SMARCC2: variants seen among roughly 807,000 people sequenced by gnomAD.
SMARCC2 encodes SWI/SNF related BAF chromatin remodeling complex subunit C2, also known as SWI/SNF complex subunit SMARCC2.
In SMARCC2, 15 loss-of-function variants were observed where a neutral mutation model predicts 151.3. That is an observed-to-expected ratio of 0.10 (90% CI 0.07 to 0.15). SMARCC2 has a LOEUF of 0.15. Among genes scored for constraint, SMARCC2 ranks in the 10% least tolerant of loss-of-function variants. The pLI is 1.00. For synonymous variants in SMARCC2, 590 were observed against 609.5 expected (o/e 0.97, Z 0.47); for missense variants, 1,031 against 1,599.7 (o/e 0.64, Z 6.06).
chr12:56,184,627 T>A, intron 5 of SMARCC2: 3 of 565,666 alleles, frequency 5.3e-6, no homozygotes, highest in Non-Finnish European at 9.5e-6. Context: ...CAGGCCAACA[T>A]AGTCTCTAGA....
At chr12:56,189,092 G>A (rs1227785615) in intron 1 of SMARCC2, among the ~76,000 whole-genome samples, 6 of 151,516 alleles carry the variant, frequency 4.0e-5, no homozygotes, top group Non-Finnish European at 8.9e-5. Flanking sequence ...ATGGCACCGG[G>A]GCCCGCCGGG....
intron 11 of SMARCC2, among the ~76,000 whole-genome samples, chr12:56,180,140 G>A (rs1050931378): frequency 2.0e-4 from 30 of 149,884 alleles, no homozygotes; most frequent in African/African-American, 6.6e-4. Context: ...ATGGAGTCTC[G>A]CCCTGTTGCC....
chr12:56,179,003 C>T lies in SMARCC2; in HGVS notation c.1135G>A (p.Asp379Asn). Residue 379 changes from aspartate to asparagine, a missense_variant, in exon 12 of 29, where the codon GAC (aspartate) becomes AAC (asparagine). Asp to Asn is a conservative substitution (Grantham distance 23, BLOSUM62 1). This residue lies in a region of SMARCC2 where 127 missense variants were observed against 141.7 expected (regional missense o/e 0.90). Coordinates refer to ENST00000550164, the MANE Select transcript of SMARCC2 (RefSeq NM_001330288.2). ...SAPVKGGTMT[D>N]LDEQEDESME... is the part of the protein sequence containing the mutation. Reference sequence around the variant, plus strand: ...CAAGAGGCTCCTGTCTTACCCAGGTCGGTCATGGTGCCGCCTTTGACTGGG... The same window carrying T: ...CAAGAGGCTCCTGTCTTACCCAGGTTGGTCATGGTGCCGCCTTTGACTGGG... The T allele has an allele frequency of 1.2e-6, 2 of 1,614,074 alleles. No homozygotes were observed. Among genetic ancestry groups the T allele is most frequent in the Non-Finnish European group, 1.7e-6 (2 of 1,179,944 alleles).
chr12:56,179,580 G>C (rs963846297), intron 11 of SMARCC2, among the ~76,000 whole-genome samples: 1 of 152,228 alleles, frequency 6.6e-6, no homozygotes, highest in African/African-American at 2.4e-5. Context: ...AATACAGACT[G>C]TAAACCAGTA....
Position 56,184,889 on chromosome 12 carries a change from C to A in SMARCC2, c.447G>T (p.Glu149Asp). ...RPNIFLCPEI[E>D]PKLLGKLKDI... ...CCTTTAATTTCCCTAGTAGTTTGGG[C>A]TCAATTTCTGGGCACAGAAAAATGT... is the stretch of plus-strand genomic sequence containing the variant. The change falls in exon 5 of 29, where the codon GAG (glutamate) becomes GAT (aspartate). Residue 149 changes from glutamate to aspartate, a missense_variant. Transcript: ENST00000550164. 1 of 1,613,518 alleles carries A rather than the reference C, an allele frequency of 6.2e-7. No individual in the cohort carries two copies. Among genetic ancestry groups the A allele is most frequent in the Non-Finnish European group, 8.5e-7 (1 of 1,179,528 alleles).
At chr12:56,186,117 TA>T in intron 3 of SMARCC2, 37 bp downstream of exon 3, 1 of 1,389,042 alleles carries the variant, frequency 7.2e-7, no homozygotes, top group Non-Finnish European at 1.0e-6. Context: ...GGATTTCCTC[TA>T]AACTAAATAT....
rs572171908 is a variant in SMARCC2, at chr12:56,175,487, T to C, written c.1383-723A>G. 3.9e-5 allele frequency among the ~76,000 whole-genome samples: 6 copies of C among 152,372 alleles called. No homozygotes were observed. The South Asian group carries it at 1.2e-3, about 32-fold the overall frequency. On this transcript the variant is annotated intron_variant, in intron 15 of 28. Coordinates refer to ENST00000550164, the MANE Select transcript of SMARCC2 (RefSeq NM_001330288.2). ...AAATCCCAGTTCTACCATGAGGACCTTGGCAATTTACTTCGAATTTTTAAA... is the reference window on the plus strand; with the variant it reads ...AAATCCCAGTTCTACCATGAGGACCCTGGCAATTTACTTCGAATTTTTAAA...
At chr12:56,173,567 T>C in intron 17 of SMARCC2, 129 bp downstream of exon 17, 1 of 827,074 alleles carries the variant, frequency 1.2e-6, no homozygotes. Flanking sequence ...CCCGTGACCC[T>C]TTGCATCCCA....
chr12:56,167,683 C>T (rs571822212), intron 26 of SMARCC2, among the ~76,000 whole-genome samples: 1 of 152,196 alleles, frequency 6.6e-6, no homozygotes, highest in South Asian at 2.1e-4. Flanking sequence ...TGTTCAAGGA[C>T]CTGGAGATGC....
chr12:56,179,848 G>C (rs1312071688), intron 11 of SMARCC2, among the ~76,000 whole-genome samples: 1 of 151,428 alleles, frequency 6.6e-6, no homozygotes, highest in Non-Finnish European at 1.5e-5. Flanking sequence ...CACCACGCCT[G>C]GCAAATTTTT....
chr12:56,187,361 A>G (rs756350715), intron 1 of SMARCC2, 55 bp from the exon 2 acceptor site: 148 of 1,540,006 alleles, frequency 9.6e-5, no homozygotes, highest in Non-Finnish European at 1.3e-4. Flanking sequence ...ATTGTCCACT[A>G]TCTCCCATAT....
chr12:56,169,419 A>T, intron 25 of SMARCC2, 110 bp downstream of exon 25: 1 of 1,325,970 alleles, frequency 7.5e-7, no homozygotes, highest in African/African-American at 1.5e-5. Context: ...AATAAAAAAT[A>T]AATAGGTCAG....
chr12:56,185,123 G>A lies in SMARCC2; in HGVS notation c.318-12C>T. On this transcript the variant is annotated splice_polypyrimidine_tract_variant and intron_variant, in intron 3 of 28. Transcript: ENST00000550164. ...AATCGTAACGCCGCCTTGTGAAGAG[G>A]CAATAATCTAGTGAGTGGTATAGCT... The A allele has an allele frequency of 6.2e-7, 1 of 1,610,664 alleles. No individual in the cohort carries two copies. The highest frequency in any genetic ancestry group is 1.7e-4 in the Middle Eastern group (1 of 6,050).
chr12:56,163,716 C>G lies in SMARCC2; in HGVS notation c.3711G>C (p.Thr1237=), dbSNP rs765881836. The G allele has an allele frequency of 3.3e-6, 5 of 1,504,010 alleles. No individual in the cohort carries two copies. The highest frequency in any genetic ancestry group is 5.4e-5 in the East Asian group (2 of 37,176). 93.2% of individuals were successfully genotyped at this position (1,504,010 alleles called of 1,614,324 possible). A position where few individuals can be genotyped will look rare whatever the true frequency, so the allele number is the denominator to read the frequency against. The change falls in exon 29 of 29, where the codon ACG becomes ACC. Residue 1237 remains threonine (T), a synonymous_variant. Coordinates refer to ENST00000550164, the MANE Select transcript of SMARCC2 (RefSeq NM_001330288.2). ...ACTGTGGAGGTGGCACAGGGGTGACCGTGCCTGGGCTCGGGGCTGTGGGGT... is the reference window on the plus strand; with the variant it reads ...ACTGTGGAGGTGGCACAGGGGTGACGGTGCCTGGGCTCGGGGCTGTGGGGT... ...PPDPTAPSPG[T]VTPVPPPQ
At position 56,169,601 on chromosome 12, in the gene SMARCC2, C is replaced by T. The variant is rs748899447; in HGVS notation, c.2643G>A (p.Glu881=). 1 of 1,614,126 alleles carries T rather than the reference C, an allele frequency of 6.2e-7. No individual in the cohort carries two copies. Among genetic ancestry groups the T allele is most frequent in the Admixed American group, 1.7e-5 (1 of 59,996 alleles). ...ESEGERKTKV[E]RDIGEGNLST... is the part of the protein sequence containing the mutation. ...AGAGGTTGCCCTCGCCAATGTCCCG[C>T]TCCACCTTTGTCTTCCTTTCCCCCT... Residue 881 remains glutamate, a synonymous_variant, in exon 25 of 29, where the codon GAG becomes GAA. Transcript: ENST00000550164.
intron 14 of SMARCC2, 125 bp from the exon 15 acceptor site, chr12:56,178,218 G>A: frequency 1.1e-6 from 1 of 936,664 alleles, no homozygotes; most frequent in African/African-American, 1.6e-5. Context: ...TAGAAGCTTG[G>A]GGAGAACATC....
intron 2 of SMARCC2, 161 bp downstream of exon 2, chr12:56,187,026 T>G (rs1877389599): frequency 1.6e-6 from 1 of 630,384 alleles, no homozygotes; most frequent in African/African-American, 1.8e-5. Context: ...AACTGGAGAC[T>G]AGGCCAAGCC....
intron 16 of SMARCC2, 127 bp from the exon 17 acceptor site, chr12:56,173,976 A>G (rs1435266420): frequency 1.1e-5 from 8 of 757,502 alleles, no homozygotes. Context: ...TCCTCTGTTC[A>G]TTGTACTCCT....
intron 25 of SMARCC2, 120 bp downstream of exon 25, chr12:56,169,409 A>C: frequency 7.9e-7 from 1 of 1,270,886 alleles, no homozygotes; most frequent in East Asian, 2.3e-5. Context: ...CTGAGATAAA[A>C]ATAAAAAATA....
Sources: allele counts gnomAD v4.1 joint callset (sites outside exome capture counted in the v4.1 genomes callset), GRCh38; gene constraint gnomAD v4.1.1; regional missense constraint gnomAD v4.1.1; transcripts MANE v1.5; gene names NCBI Gene and HGNC (gene_info 2026-07-23, HGNC 2026-07-21).